Variants in SRI observed in about 807,000 individuals in gnomAD.
SRI encodes sorcin.
Under a neutral mutation model 33.3 loss-of-function variants are expected in SRI, and 30 were observed. That is an observed-to-expected ratio of 0.90 (90% confidence interval 0.67 to 1.22). The LOEUF (loss-of-function observed/expected upper bound fraction) is 1.22, where lower values mean the gene tolerates loss of function less well. Ranked by LOEUF, SRI falls within the 50% of genes most tolerant of loss-of-function variation. The pLI, the probability that SRI is intolerant of heterozygous loss-of-function variation, is 0.00. For missense variants in SRI, 243 were observed against 250.8 expected, an observed-to-expected ratio of 0.97 and a Z score of 0.21; for synonymous variants, 75 against 89.9, an observed-to-expected ratio of 0.83 and a Z score of 0.94.
At chr7:88,209,083 T>A in intron 6 of SRI, 1 of 330,236 alleles carries the variant, frequency 3.0e-6, no homozygotes, top group East Asian at 6.0e-5. Flanking sequence ...AATGCACAAG[T>A]TAGCTGATTG....
chr7:88,224,797 T>C (rs1192877012), upstream of SRI, among the ~76,000 whole-genome samples: 1 of 152,224 alleles, frequency 6.6e-6, no homozygotes, highest in Non-Finnish European at 1.5e-5. Context: ...ATATTGTAGA[T>C]GGTAATGAAT....
intron 3 of SRI, among the ~76,000 whole-genome samples, chr7:88,214,545 A>G (rs551040158): frequency 2.0e-5 from 3 of 152,314 alleles, no homozygotes; most frequent in South Asian, 2.1e-4. Flanking sequence ...CTGATGTCCA[A>G]TAAGTTTTGG....
chr7:88,226,360 A>T (rs1173696041), intron 1 of SRI, among the ~76,000 whole-genome samples: 1 of 152,178 alleles, frequency 6.6e-6, no homozygotes. Context: ...GCCCATCCCC[A>T]TTCGCATCTC....
intron 2 of SRI, among the ~76,000 whole-genome samples, chr7:88,218,200 CTCAATGTAAGATAGCACCTG>C (rs969849930): frequency 2.8e-4 from 43 of 152,172 alleles, no homozygotes; most frequent in Non-Finnish European, 5.0e-4. Context: ...AGTGTCCTCT[CTCAATGTAAGATAGCACCTG>C]TCAATGTAAG....
At chr7:88,208,630 T>A (rs539138100) in intron 6 of SRI, 65 bp from the exon 7 acceptor site, 106 of 1,593,834 alleles carry the variant, frequency 6.7e-5, no homozygotes, top group Admixed American at 5.8e-4. Flanking sequence ...TCATAAAAGT[T>A]AGTTATTTTG....
At chr7:88,218,443 T>C (rs1371883775) in intron 2 of SRI, among the ~76,000 whole-genome samples, 2 of 152,260 alleles carry the variant, frequency 1.3e-5, no homozygotes. Context: ...ATTTAGAAGC[T>C]GGTGGGTTTT....
At chr7:88,220,049 C>A, upstream of SRI, 1 of 1,517,466 alleles carries the variant, frequency 6.6e-7, no homozygotes, top group Non-Finnish European at 8.8e-7. Context: ...GCCGCAGCCG[C>A]CCTCGCCCTG....
chr7:88,209,908 A>T (rs780073258), intron 5 of SRI, 75 bp downstream of exon 5: 2 of 1,595,712 alleles, frequency 1.3e-6, no homozygotes, highest in Non-Finnish European at 1.7e-6. Flanking sequence ...GAGCCACTGC[A>T]CCCAGCCTGG....
upstream of SRI, among the ~76,000 whole-genome samples, chr7:88,224,502 A>AAAGAGGTCTCT (rs1356376580): frequency 6.6e-6 from 1 of 152,228 alleles, no homozygotes; most frequent in African/African-American, 2.4e-5. Flanking sequence ...CTCATGATTT[A>AAAGAGGTCTCT]AAGACCTCTG....
At chr7:88,218,617 C>T (rs1197764758) in intron 2 of SRI, 1 of 461,070 alleles carries the variant, frequency 2.2e-6, no homozygotes, top group Non-Finnish European at 4.0e-6. Flanking sequence ...CCATCCTGGA[C>T]CCTTTAATTC....
At chr7:88,207,497 C>A (rs1851462463) in intron 7 of SRI, among the ~76,000 whole-genome samples, 1 of 148,490 alleles carries the variant, frequency 6.7e-6, no homozygotes, top group Non-Finnish European at 1.5e-5. Flanking sequence ...CATTTCAATT[C>A]TACAAGTTTT....
rs748548766 is a variant in SRI, at chr7:88,208,557, G to A, written c.520C>T (p.Arg174Ter). The A allele has an allele frequency of 3.7e-6, 6 of 1,613,724 alleles. No individual in the cohort carries two copies. Among genetic ancestry groups the A allele is most frequent in the Middle Eastern group, 1.7e-4 (1 of 6,058 alleles). Reference sequence around the variant, plus strand: ...CCTTGCTGAGCAGTATCCCGTCTTCGAAAGCTGTCTGTAAAACAACACAGT... The same window carrying A: ...CCTTGCTGAGCAGTATCCCGTCTTCAAAAGCTGTCTGTAAAACAACACAGT... ...VKLRALTDSF[R>*]RRDTAQQGVV... The change falls in exon 7 of 8, where the codon CGA (arginine) becomes TGA (stop). Residue 174 changes from arginine (R) to a stop codon, truncating the protein, a stop_gained. Transcript: ENST00000265729. LOFTEE classifies it high-confidence loss of function.
intron 6 of SRI, 111 bp from the exon 7 acceptor site, chr7:88,208,676 G>A: frequency 2.0e-6 from 3 of 1,481,952 alleles, no homozygotes; most frequent in South Asian, 1.2e-5. Flanking sequence ...TTTAAATTGT[G>A]CAACCAATTA....
chr7:88,213,243 A>T (rs1851623495), intron 3 of SRI, among the ~76,000 whole-genome samples: 1 of 152,160 alleles, frequency 6.6e-6, no homozygotes, highest in South Asian at 2.1e-4. Flanking sequence ...AGTCAGGGGT[A>T]GTATGTGCTC....
In SRI at chr7:88,206,122, T is replaced by A. The variant is rs1851435242; in HGVS notation, c.*356A>T. 1 of 266,484 alleles carries A rather than the reference T, an allele frequency of 3.8e-6. No individual in the cohort carries two copies. The highest frequency in any genetic ancestry group is 4.7e-5 in the Admixed American group (1 of 21,136). The allele number at this position is 266,484 out of a possible 1,614,324, so 16.5% of individuals were successfully genotyped here. A position where few individuals can be genotyped will look rare whatever the true frequency, so the allele number is the denominator to read the frequency against. ...AGTATTCTTTGTAGGAGAGGAAAGA[T>A]AACAGCTGTAGTCTGATTAACAGTT... is the stretch of plus-strand genomic sequence containing the variant. On this transcript the variant is annotated 3_prime_UTR_variant, in exon 8 of 8. Transcript: ENST00000265729.
At chr7:88,208,484 A>C (rs202152862) in intron 7 of SRI, 23 bp downstream of exon 7, 153 of 1,613,262 alleles carry the variant, frequency 9.5e-5, no homozygotes, top group Non-Finnish European at 1.2e-4. Flanking sequence ...CATCTACTGT[A>C]TCTCTTAATT....
rs1363663554 is a variant in SRI, at chr7:88,220,016, G to A, written c.11C>T (p.Pro4Leu). The A allele has an allele frequency of 1.8e-5, 28 of 1,533,418 alleles. No individual in the cohort carries two copies. The East Asian group carries it at 6.4e-4, about 35-fold the overall frequency. 95.0% of individuals were successfully genotyped at this position (1,533,418 alleles called of 1,614,324 possible). A position where few individuals can be genotyped will look rare whatever the true frequency, so the allele number is the denominator to read the frequency against. Residue 4 changes from proline to leucine, a missense_variant, in exon 1 of 8, where the codon CCG becomes CTG. Physicochemically the swap from Pro to Leu is moderately conservative, Grantham distance 98 (BLOSUM62 -3). Transcript: ENST00000265729. MAY[P>L]GHPGAGGGYY... ...CCCGCCGCCGGCGCCAGGATGCCCCGGGTACGCCATGCTGCAGACTGCGCC... is the reference window on the plus strand; with the variant it reads ...CCCGCCGCCGGCGCCAGGATGCCCCAGGTACGCCATGCTGCAGACTGCGCC...
At chr7:88,217,287 A>G (rs991262676) in intron 2 of SRI, 96 bp from the exon 3 acceptor site, 6 of 1,038,910 alleles carry the variant, frequency 5.8e-6, no homozygotes, top group Non-Finnish European at 8.8e-6. Context: ...AAAGAAAATC[A>G]GTATCTTTTT....
exon 1 of SRI, chr7:88,226,958 G>T: frequency 6.2e-7 from 1 of 1,613,182 alleles, no homozygotes; most frequent in Admixed American, 1.7e-5. Context: ...ATCCTTAGAG[G>T]ATTGCCTTCT....
Sources: allele counts gnomAD v4.1 joint callset (sites outside exome capture counted in the v4.1 genomes callset), GRCh38; gene constraint gnomAD v4.1.1; transcripts MANE v1.5; gene names NCBI Gene and HGNC (gene_info 2026-07-23, HGNC 2026-07-21).